Variants in TBX4 observed in about 807,000 individuals in gnomAD.
The protein encoded by TBX4 is T-box transcription factor TBX4.
Under a neutral mutation model 54.6 loss-of-function variants are expected in TBX4, and 13 were observed. The observed-to-expected ratio is 0.24, with a 90% confidence interval of 0.15 to 0.38. TBX4 has a LOEUF of 0.38. Among genes scored for constraint, TBX4 ranks in the 10% least tolerant of loss-of-function variants. The pLI is 1.00. For synonymous variants in TBX4, 314 were observed against 306.7 expected (o/e 1.02, Z -0.25); for missense variants, 631 against 728.5 (o/e 0.87, Z 1.54).
rs990818437 is a variant in TBX4 at position 61,476,093 on chromosome 17, G to A, written c.550-2534G>A. The stretch of plus-strand genomic sequence containing the variant: ...CACTAGATCCTGTCTGGGGGCAAAG[G>A]AGCCTGGAGGTACAAAAGGATAAAA... On this transcript the variant is annotated intron_variant, in intron 5 of 8. Coordinates refer to ENST00000644296, the MANE Select transcript of TBX4 (RefSeq NM_001321120.2). The surrounding 1 kb of genome is among the most constrained non-coding windows in gnomAD (Gnocchi z 6.5). 6.6e-6 allele frequency among the ~76,000 whole-genome samples: 1 copy of A among 152,196 alleles called. No homozygotes were observed. Among genetic ancestry groups the A allele is most frequent in the African/African-American group, 2.4e-5 (1 of 41,438 alleles).
At chr17:61,469,897 TG>T (rs1205713334) in intron 5 of TBX4, among the ~76,000 whole-genome samples, 1 of 152,176 alleles carries the variant, frequency 6.6e-6, no homozygotes, top group African/African-American at 2.4e-5. Context: ...CACGTTGTAT[TG>T]GGAATTGCCC....
intron 5 of TBX4, among the ~76,000 whole-genome samples, chr17:61,473,053 G>T (rs1569040539): frequency 6.6e-6 from 1 of 152,104 alleles, no homozygotes; most frequent in Non-Finnish European, 1.5e-5. Flanking sequence ...TAAGCTTGTA[G>T]TGTTAAAAAA....
At chr17:61,453,598 C>G (rs2060428108) in intron 1 of TBX4, among the ~76,000 whole-genome samples, 1 of 151,904 alleles carries the variant, frequency 6.6e-6, no homozygotes, top group Non-Finnish European at 1.5e-5. Context: ...AGTATTGTAC[C>G]AATGTGATGA....
rs909857413 is a variant in TBX4 at position 61,480,394 on chromosome 17, G to A, written c.1021+75G>A. 1.2e-5 allele frequency: 11 copies of A among 936,760 alleles called. No homozygotes were observed. The highest frequency in any genetic ancestry group is 2.1e-5 in the Admixed American group (1 of 46,540). The allele number at this position is 936,760 out of a possible 1,614,324, so 58.0% of individuals were successfully genotyped here. On this transcript the variant is annotated intron_variant, in intron 8 of 8. Coordinates refer to ENST00000644296, the MANE Select transcript of TBX4 (RefSeq NM_001321120.2). This position sits in a 1 kb window ranked among gnomAD's most constrained non-coding sequence, Gnocchi z 6.2. ...GTTCTCCCCGAAACCACTCTGCAGC[G>A]CCCCCCCCCCCAACACACACACACT...
rs1421736136 is a variant in TBX4 at position 61,481,737 on chromosome 17, T to A, written c.1022-1160T>A. On this transcript the variant is annotated intron_variant, in intron 8 of 8. Coordinates refer to ENST00000644296, the MANE Select transcript of TBX4 (RefSeq NM_001321120.2). This position sits in a 1 kb window ranked among gnomAD's most constrained non-coding sequence, Gnocchi z 4.8. ...GAAAACAGGAGGAGGGAGGCCAAGA[T>A]GAGCCATGGATGTGTGGGGTTTTTG... 6.6e-6 allele frequency: 1 copy of A among 152,298 alleles called. No homozygotes were observed. Among genetic ancestry groups the A allele is most frequent in the Non-Finnish European group, 1.5e-5 (1 of 68,166 alleles). The allele number at this position is 152,298 out of a possible 1,614,324, so 9.4% of individuals were successfully genotyped here. A position where few individuals can be genotyped will look rare whatever the true frequency, so the allele number is the denominator to read the frequency against.
rs373034592 is a variant in TBX4 at position 61,479,602 on chromosome 17, G to A, written c.703-279G>A. 3.3e-5 allele frequency among the ~76,000 whole-genome samples: 5 copies of A among 152,112 alleles called. No homozygotes were observed. Among genetic ancestry groups the A allele is most frequent in the Non-Finnish European group, 5.9e-5 (4 of 68,018 alleles). ...AGGAGAAAGAATCAGAGGGTGGAGAGCAAGGAGTAGGGAGCCAGGGACAAA... is the reference window on the plus strand; with the variant it reads ...AGGAGAAAGAATCAGAGGGTGGAGAACAAGGAGTAGGGAGCCAGGGACAAA... On this transcript the variant is annotated intron_variant, in intron 6 of 8. Transcript: ENST00000644296. The surrounding 1 kb of genome is among the most constrained non-coding windows in gnomAD (Gnocchi z 6.1).
chr17:61,483,128 G>A lies in TBX4; in HGVS notation c.1253G>A (p.Cys418Tyr). The A allele has an allele frequency of 2.5e-6, 4 of 1,614,156 alleles. No homozygotes were observed. Among genetic ancestry groups the A allele is most frequent in the Non-Finnish European group, 3.4e-6 (4 of 1,180,028 alleles). The part of the protein sequence containing the change: ...VDDLPPPPLS[C>Y]NMWTSVSPYT... ...GACCTGCCCCCACCTCCGCTGAGCT[G>A]TAACATGTGGACTTCAGTGTCGCCG... Residue 418 changes from cysteine to tyrosine, a missense_variant, in exon 9 of 9, where the codon TGT becomes TAT. Transcript: ENST00000644296. This position sits in a 1 kb window ranked among gnomAD's most constrained non-coding sequence, Gnocchi z 6.6.
chr17:61,476,555 C>G lies in TBX4; in HGVS notation c.550-2072C>G, dbSNP rs2060621664. On this transcript the variant is annotated intron_variant, in intron 5 of 8. Transcript: ENST00000644296. The surrounding 1 kb of genome is among the most constrained non-coding windows in gnomAD (Gnocchi z 6.5). The stretch of plus-strand genomic sequence containing the variant: ...TTTCCAGGCCCAGTTCCTCTCGCCA[C>G]AGGAGCATCCCCAGCGTCCTGGAAA... 1.3e-5 allele frequency among the ~76,000 whole-genome samples: 2 copies of G among 152,234 alleles called. No individual in the cohort carries two copies. The highest frequency in any genetic ancestry group is 4.1e-4 in the South Asian group (2 of 4,834).
At chr17:61,471,892 ATTTTTTTTTTTTTTTT>A (rs35198276) in intron 5 of TBX4, among the ~76,000 whole-genome samples, 1 of 72,928 alleles carries the variant, frequency 1.4e-5, no homozygotes, top group African/African-American at 5.2e-5. Context: ...TGCCCAGCTA[ATTTTTTTTTTTTTTTT>A]TTTTTTTTTT....
chr17:61,479,864 G>C lies in TBX4; in HGVS notation c.703-17G>C. ...GTGTGCCTCACACTGGTGACCCTAT[G>C]TGTTTTCTCCCCACAGATCACCCAG... On this transcript the variant is annotated splice_polypyrimidine_tract_variant and intron_variant, in intron 6 of 8. Coordinates refer to ENST00000644296, the MANE Select transcript of TBX4 (RefSeq NM_001321120.2). This position sits in a 1 kb window ranked among gnomAD's most constrained non-coding sequence, Gnocchi z 6.1. 1 of 1,613,424 alleles carries C rather than the reference G, an allele frequency of 6.2e-7. No individual in the cohort carries two copies. The highest frequency in any genetic ancestry group is 8.5e-7 in the Non-Finnish European group (1 of 1,179,352).
In TBX4 at chr17:61,464,479, TC is replaced by T. The variant is rs1172945285; in HGVS notation, c.282-1339del. 6.6e-6 allele frequency: 1 copy of T among 152,282 alleles called. No individual in the cohort carries two copies. Among genetic ancestry groups the T allele is most frequent in the Non-Finnish European group, 1.5e-5 (1 of 68,100 alleles). The allele number at this position is 152,282 out of a possible 1,614,324, so 9.4% of individuals were successfully genotyped here. On this transcript the variant is annotated intron_variant, in intron 3 of 8. Coordinates refer to ENST00000644296, the MANE Select transcript of TBX4 (RefSeq NM_001321120.2). This position sits in a 1 kb window ranked among gnomAD's most constrained non-coding sequence, Gnocchi z 5.8. ...GCTGTTTGTGGCATCTTGGACAGCTTCTCCAGGGTCCCGTACTGTCTTGGGT... is the reference window on the plus strand; with the variant it reads ...GCTGTTTGTGGCATCTTGGACAGCTTTCCAGGGTCCCGTACTGTCTTGGGT...
rs926203115 is a variant in TBX4, at chr17:61,475,724, A to G, written c.550-2903A>G. 6.6e-6 allele frequency among the ~76,000 whole-genome samples: 1 copy of G among 152,090 alleles called. No individual in the cohort carries two copies. The highest frequency in any genetic ancestry group is 1.5e-5 in the Non-Finnish European group (1 of 68,008). ...TCACAGGAGCAGGGTGGCTGCTGCC[A>G]TGTGTCCTAGTGTCCTGCACAGCCT... On this transcript the variant is annotated intron_variant, in intron 5 of 8. Transcript: ENST00000644296. This position sits in a 1 kb window ranked among gnomAD's most constrained non-coding sequence, Gnocchi z 5.0.
rs3744442 is a variant in TBX4, at chr17:61,467,449, G to A, written c.402-61G>A. 0.098 allele frequency: 156,904 copies of A among 1,608,120 alleles called. 8,431 individuals are homozygous for A. The highest frequency in any genetic ancestry group is 0.22 in the East Asian group (9,664 of 44,822). The stretch of plus-strand genomic sequence containing the variant: ...ATGGGGGTTTGCTCCAAGAGGGGAC[G>A]GGGAATCTGGCCTCACCAGCCCCTG... On this transcript the variant is annotated intron_variant, in intron 4 of 8. Coordinates refer to ENST00000644296, the MANE Select transcript of TBX4 (RefSeq NM_001321120.2).
At chr17:61,463,290 A>ATCCTAC (rs1250433654) in intron 3 of TBX4, 6 of 152,376 alleles carry the variant, frequency 3.9e-5, no homozygotes, top group African/African-American at 1.4e-4. Context: ...CAGACCAGAC[A>ATCCTAC]TCCTACGTCC....
In TBX4 at chr17:61,479,099, A is replaced by G. The variant is rs1052728182; in HGVS notation, c.702+320A>G. Among the ~76,000 whole-genome samples the G allele has an allele frequency of 5.9e-5, 9 of 152,174 alleles. No individual in the cohort carries two copies. Among genetic ancestry groups the G allele is most frequent in the East Asian group, 1.9e-4 (1 of 5,192 alleles). The stretch of plus-strand genomic sequence containing the variant: ...GAGCATTGGGCCCTTTCATTCCACA[A>G]TGTTCTTTCTCCTGGTTCATCTCCT... On this transcript the variant is annotated intron_variant, in intron 6 of 8. Transcript: ENST00000644296. This position sits in a 1 kb window ranked among gnomAD's most constrained non-coding sequence, Gnocchi z 6.1.
chr17:61,465,841 G>A lies in TBX4; in HGVS notation c.304G>A (p.Val102Ile). 6.2e-7 allele frequency: 1 copy of A among 1,614,108 alleles called. No individual in the cohort carries two copies. Among genetic ancestry groups the A allele is most frequent in the Non-Finnish European group, 8.5e-7 (1 of 1,179,996 alleles). The change falls in exon 4 of 9, where the codon GTA becomes ATA. Residue 102 changes from valine (V) to isoleucine (I), a missense_variant. Around this residue, in one of 3 missense-constraint regions of TBX4, gnomAD observed 154 missense variants for 238.6 expected, o/e 0.65. Coordinates refer to ENST00000644296, the MANE Select transcript of TBX4 (RefSeq NM_001321120.2). The surrounding 1 kb of genome is among the most constrained non-coding windows in gnomAD (Gnocchi z 4.9). ...AGRRMFPSYK[V>I]KVTGMNPKTK... ...CAGGAGGATGTTCCCCAGCTACAAG[G>A]TAAAAGTCACAGGCATGAACCCCAA...
Position 61,457,783 on chromosome 17 carries a change from G to A in TBX4, c.281+152G>A. On this transcript the variant is annotated intron_variant, in intron 3 of 8. Coordinates refer to ENST00000644296, the MANE Select transcript of TBX4 (RefSeq NM_001321120.2). The surrounding 1 kb of genome is among the most constrained non-coding windows in gnomAD (Gnocchi z 8.2). ...CAGTGCCACCTCCCTTCGCAGCTTG[G>A]GACTGGGCCGCCAAAGCCCGCAGGG... 1.3e-6 allele frequency: 1 copy of A among 751,092 alleles called. No homozygotes were observed. 46.5% of individuals were successfully genotyped at this position (751,092 alleles called of 1,614,324 possible).
chr17:61,466,072 T>C, intron 4 of TBX4, 134 bp downstream of exon 4: 1 of 1,415,056 alleles, frequency 7.1e-7, no homozygotes, highest in Non-Finnish European at 9.9e-7. Context: ...GTCCACTGCC[T>C]GGAACTGGCT....
intron 1 of TBX4, 46 bp from the exon 2 acceptor site, chr17:61,456,442 C>A (rs2060449883): frequency 1.9e-6 from 3 of 1,544,520 alleles, no homozygotes; most frequent in East Asian, 2.5e-5. Flanking sequence ...GGTCCTCTGG[C>A]GAGTGTGGAC....
Sources: gnomAD v4.1 joint callset for allele counts (sites outside exome capture counted in the v4.1 genomes callset) on GRCh38, gnomAD v4.1.1 for gene constraint, gnomAD v4.1.1 regional missense constraint, Gnocchi (gnomAD v3.1) non-coding constraint, MANE v1.5 for transcripts, NCBI Gene and HGNC (gene_info 2026-07-23, HGNC 2026-07-21) for gene names.